The following LGSN variants were observed in gnomAD, a reference collection of about 807,000 sequenced individuals.
LGSN encodes the protein lengsin, lens protein with glutamine synthetase domain.
LGSN carries 21 observed loss-of-function variants against 19.5 expected under a neutral mutation model. The observed-to-expected ratio is 1.07, with a 90% CI of 0.76 to 1.55. LGSN has a LOEUF of 1.55. LGSN is among the 40% of genes most tolerant of loss of function. The pLI is 0.00. For synonymous variants in LGSN, 257 were observed against 215.6 expected, an observed-to-expected ratio of 1.19 and a Z score of -1.68; for missense variants, 673 against 608.5, an observed-to-expected ratio of 1.11 and a Z score of -1.12.
intron 3 of LGSN, among the ~76,000 whole-genome samples, chr6:63,284,670 A>G (rs149809794): frequency 8.0e-4 from 122 of 152,240 alleles, no homozygotes; most frequent in African/African-American, 2.9e-3. Context: ...GGGCTTGTCC[A>G]CAAGAAAATC....
the LGSN span, chr6:63,570,999 A>G: frequency 6.6e-6 from 1 of 152,208 alleles, no homozygotes; most frequent in Non-Finnish European, 1.5e-5. Context: ...TTAAGATTTT[A>G]AAGTCTTTAC....
the LGSN span, among the ~76,000 whole-genome samples, chr6:63,472,780 A>G: frequency 6.6e-6 from 1 of 151,772 alleles, no homozygotes; most frequent in Non-Finnish European, 1.5e-5. Context: ...CTCTACTAAA[A>G]ATACAAAAAA....
the LGSN span, among the ~76,000 whole-genome samples, chr6:63,415,385 G>T: frequency 1.3e-5 from 2 of 152,132 alleles, no homozygotes; most frequent in African/African-American, 4.8e-5. Context: ...AAGTTTAATT[G>T]ACTCACAGTT....
At chr6:63,368,782 T>C in the LGSN span, among the ~76,000 whole-genome samples, 2 of 152,238 alleles carry the variant, frequency 1.3e-5, no homozygotes, top group African/African-American at 4.8e-5. Context: ...TGTTATGTCC[T>C]CTGGAGTAAG....
intron 3 of LGSN, among the ~76,000 whole-genome samples, chr6:63,281,631 T>C (rs2127381514): frequency 6.6e-6 from 1 of 152,228 alleles, no homozygotes; most frequent in Admixed American, 6.5e-5. Context: ...TAAGGCTTTC[T>C]TTTTGCTTAT....
chr6:63,412,113 T>A, the LGSN span, among the ~76,000 whole-genome samples: 5 of 152,078 alleles, frequency 3.3e-5, no homozygotes, highest in African/African-American at 1.2e-4. Context: ...ACGCCTGTAA[T>A]CCCAGCACTT....
At chr6:63,390,980 A>G in the LGSN span, among the ~76,000 whole-genome samples, 3 of 152,212 alleles carry the variant, frequency 2.0e-5, no homozygotes, top group African/African-American at 7.2e-5. Flanking sequence ...TCCATTGGAA[A>G]GGATGCATAC....
chr6:63,457,748 G>A, the LGSN span, among the ~76,000 whole-genome samples: 2 of 150,884 alleles, frequency 1.3e-5, no homozygotes, highest in Non-Finnish European at 3.0e-5. Context: ...ACATGGTAGT[G>A]GGTGCCTGTA....
the LGSN span, chr6:63,550,234 G>A: frequency 2.0e-5 from 3 of 152,018 alleles, no homozygotes; most frequent in African/African-American, 7.2e-5. Flanking sequence ...CCCCTCCCTG[G>A]ATTGCAATTA....
chr6:63,389,663 C>CT, the LGSN span, among the ~76,000 whole-genome samples: 3 of 152,176 alleles, frequency 2.0e-5, no homozygotes, highest in Non-Finnish European at 2.9e-5. Context: ...TGTGAAACTG[C>CT]TACATGGTTG....
chr6:63,467,206 T>C, the LGSN span, among the ~76,000 whole-genome samples: 1 of 152,078 alleles, frequency 6.6e-6, no homozygotes, highest in Non-Finnish European at 1.5e-5. Flanking sequence ...TTCTTTGTAA[T>C]CTGTTTCTTC....
the LGSN span, chr6:63,573,548 G>T: frequency 6.6e-6 from 1 of 152,234 alleles, no homozygotes; most frequent in Non-Finnish European, 1.5e-5. Flanking sequence ...GCGTGCGCGG[G>T]GCGGCGGCCC....
At chr6:63,473,199 G>A in the LGSN span, among the ~76,000 whole-genome samples, 70,401 of 151,546 alleles carry the variant, frequency 0.46, 18,183 homozygotes, top group Non-Finnish European at 0.56. Flanking sequence ...TAGGCCAGGC[G>A]CAGTGGCTCA....
the LGSN span, among the ~76,000 whole-genome samples, chr6:63,455,913 A>T: frequency 1.3e-5 from 2 of 151,620 alleles, no homozygotes; most frequent in Non-Finnish European, 2.9e-5. Context: ...TGTCTCAAAA[A>T]GAAAAAAAAT....
the LGSN span, among the ~76,000 whole-genome samples, chr6:63,532,148 A>G: frequency 1.1e-3 from 168 of 152,302 alleles, 1 homozygote; most frequent in Non-Finnish European, 2.0e-3. Flanking sequence ...TATAATAGTT[A>G]ATAAAGAAAA....
the LGSN span, among the ~76,000 whole-genome samples, chr6:63,510,883 AG>A: frequency 1.3e-5 from 2 of 151,994 alleles, no homozygotes; most frequent in African/African-American, 4.8e-5. Flanking sequence ...TATGTTGGCC[AG>A]GGCTGGTCTT....
At chr6:63,428,824 G>GATGGA in the LGSN span, among the ~76,000 whole-genome samples, 1 of 152,148 alleles carries the variant, frequency 6.6e-6, no homozygotes, top group Admixed American at 6.5e-5. Flanking sequence ...CAGGATCCCT[G>GATGGA]ATGTTTCAGC....
chr6:63,470,849 G>A, the LGSN span, among the ~76,000 whole-genome samples: 1 of 150,488 alleles, frequency 6.6e-6, no homozygotes, highest in African/African-American at 2.4e-5. Flanking sequence ...GTACAGTGAA[G>A]AGAAAATTCT....
At chr6:63,540,692 T>G in the LGSN span, among the ~76,000 whole-genome samples, 1 of 151,928 alleles carries the variant, frequency 6.6e-6, no homozygotes, top group East Asian at 1.9e-4. Context: ...ACAATACCAT[T>G]TATGTAAGTT....
Sources: allele counts gnomAD v4.1 joint callset (sites outside exome capture counted in the v4.1 genomes callset), GRCh38; gene constraint gnomAD v4.1.1; transcripts MANE v1.5; gene names NCBI Gene and HGNC (gene_info 2026-07-23, HGNC 2026-07-21).